RARB: variants seen among roughly 807,000 people sequenced by gnomAD.
RARB encodes the protein retinoic acid receptor beta.
In RARB, 17 loss-of-function variants were observed where a neutral mutation model predicts 51.9. The ratio of observed to expected loss-of-function variants is 0.33; its 90% CI spans 0.22 to 0.49. The LOEUF is 0.49. Among genes scored for constraint, RARB ranks in the 20% least tolerant of loss-of-function variants. RARB has a pLI of 0.99. For synonymous variants in RARB, 215 were observed against 195.4 expected (o/e 1.10, Z -0.84); for missense variants, 369 against 550.8 (o/e 0.67, Z 3.30).
At chr3:25,176,268 T>G (rs2125354247) in intron 5 of RARB, among the ~76,000 whole-genome samples, 1 of 151,686 alleles carries the variant, frequency 6.6e-6, no homozygotes, top group Non-Finnish European at 1.5e-5. Flanking sequence ...CTTTGGCTAC[T>G]GATTTATTTT....
chr3:24,923,028 C>G (rs1172120523), intron 2 of RARB, among the ~76,000 whole-genome samples: 8 of 152,086 alleles, frequency 5.3e-5, no homozygotes, highest in South Asian at 2.1e-4. Context: ...CACCAACTTC[C>G]AAAATGATGA....
At chr3:25,018,637 T>A (rs1253765532) in intron 2 of RARB, among the ~76,000 whole-genome samples, 2 of 152,192 alleles carry the variant, frequency 1.3e-5, no homozygotes, top group Non-Finnish European at 1.5e-5. Flanking sequence ...ATTTGAAATG[T>A]TAAGGTAATA....
chr3:25,045,042 T>A (rs904011911), intron 2 of RARB, among the ~76,000 whole-genome samples: 2 of 152,140 alleles, frequency 1.3e-5, no homozygotes, highest in African/African-American at 4.8e-5. Context: ...GAAAGACAAG[T>A]TTCGAAAACC....
chr3:25,594,947 C>CT (rs1701762059), intron 7 of RARB, among the ~76,000 whole-genome samples: 1 of 151,828 alleles, frequency 6.6e-6, no homozygotes, highest in Non-Finnish European at 1.5e-5. Context: ...AGAGAATGTA[C>CT]TAAAACAGGC....
At chr3:25,140,777 T>G (rs563897844) in intron 4 of RARB, among the ~76,000 whole-genome samples, 36 of 152,264 alleles carry the variant, frequency 2.4e-4, no homozygotes, top group African/African-American at 7.9e-4. Context: ...ATTATTATCT[T>G]TTTTTAAGAA....
intron 3 of RARB, among the ~76,000 whole-genome samples, chr3:25,526,711 G>A (rs1287262990): frequency 6.6e-6 from 1 of 152,094 alleles, no homozygotes; most frequent in Non-Finnish European, 1.5e-5. Flanking sequence ...TGAATGGCTG[G>A]TTACTAGTTC....
chr3:24,866,884 G>C (rs1046623129), intron 2 of RARB, among the ~76,000 whole-genome samples: 1 of 152,052 alleles, frequency 6.6e-6, no homozygotes, highest in African/African-American at 2.4e-5. Context: ...GGATAGTTTG[G>C]CGGGAGAAAG....
At chr3:25,400,173 C>A (rs1244481350) in intron 5 of RARB, among the ~76,000 whole-genome samples, 7 of 152,160 alleles carry the variant, frequency 4.6e-5, no homozygotes, top group Admixed American at 4.6e-4. Flanking sequence ...GACACAGTCC[C>A]AGCCATTCAA....
intron 2 of RARB, among the ~76,000 whole-genome samples, chr3:24,914,859 G>T (rs1391313505): frequency 1.3e-5 from 2 of 152,138 alleles, no homozygotes; most frequent in African/African-American, 4.8e-5. Context: ...ACTAACAGAT[G>T]GTATTGTCCT....
chr3:25,500,369 A>G (rs1265017416), intron 2 of RARB, among the ~76,000 whole-genome samples: 8 of 150,994 alleles, frequency 5.3e-5, no homozygotes, highest in Admixed American at 5.3e-4. Flanking sequence ...TTGTGAGAGG[A>G]GCTATGTAAA....
chr3:25,101,556 A>G (rs1298417769), intron 3 of RARB, among the ~76,000 whole-genome samples: 1 of 151,610 alleles, frequency 6.6e-6, no homozygotes, highest in African/African-American at 2.4e-5. Context: ...GTACAGATCT[A>G]TATCATTTTT....
chr3:24,853,027 C>T (rs888370126), intron 1 of RARB, among the ~76,000 whole-genome samples: 1 of 151,816 alleles, frequency 6.6e-6, no homozygotes, highest in East Asian at 1.9e-4. Context: ...TTTAAAATAA[C>T]GAACTGGCTG....
rs371415800 is a variant in RARB at position 25,077,366 on chromosome 3, C to T, written c.-328+17190C>T. Among the ~76,000 whole-genome samples the T allele has an allele frequency of 7.2e-5, 11 of 152,212 alleles. 1 individual carries two copies. Among genetic ancestry groups the T allele is most frequent in the African/African-American group, 2.6e-4 (11 of 41,550 alleles). On this transcript the variant is annotated intron_variant, in intron 3 of 11. Transcript: ENST00000383772. ...TTCTCTCATGTTCTTCCTCCGTTCT[C>T]CTCCCCTACAGACTGTGAGTCAACC...
At chr3:25,219,802 C>G (rs1021984153) in intron 5 of RARB, among the ~76,000 whole-genome samples, 1 of 152,188 alleles carries the variant, frequency 6.6e-6, no homozygotes, top group African/African-American at 2.4e-5. Context: ...AATACAGGCT[C>G]CTACACACTC....
At chr3:25,493,494 G>C (rs1297020739) in intron 2 of RARB, among the ~76,000 whole-genome samples, 1 of 152,186 alleles carries the variant, frequency 6.6e-6, no homozygotes, top group Non-Finnish European at 1.5e-5. Flanking sequence ...GCTGGCCTGG[G>C]GTCACACTGC....
chr3:25,050,752 C>A (rs999757983), intron 2 of RARB, among the ~76,000 whole-genome samples: 1 of 152,154 alleles, frequency 6.6e-6, no homozygotes, highest in Non-Finnish European at 1.5e-5. Context: ...TTCTTCCTCC[C>A]CCATTCTCCA....
chr3:25,231,881 GT>G (rs1288843839), intron 5 of RARB, among the ~76,000 whole-genome samples: 1 of 151,780 alleles, frequency 6.6e-6, no homozygotes, highest in South Asian at 2.1e-4. Flanking sequence ...TTCTCTTAGT[GT>G]TTTTTACAGA....
chr3:25,456,634 A>G (rs1218212811), intron 1 of RARB, among the ~76,000 whole-genome samples: 4 of 118,832 alleles, frequency 3.4e-5, no homozygotes, highest in African/African-American at 1.3e-4. Context: ...AAGACCACTG[A>G]CCATCAATTC....
intron 2 of RARB, among the ~76,000 whole-genome samples, chr3:25,474,699 T>G (rs1296811109): frequency 6.6e-6 from 1 of 152,206 alleles, no homozygotes; most frequent in Non-Finnish European, 1.5e-5. Flanking sequence ...GTATGAAAGT[T>G]TTCATTCCAA....
Sources: gnomAD v4.1 joint callset for allele counts (sites outside exome capture counted in the v4.1 genomes callset) on GRCh38, gnomAD v4.1.1 for gene constraint, MANE v1.5 for transcripts, NCBI Gene and HGNC (gene_info 2026-07-23, HGNC 2026-07-21) for gene names.